The following LINGO2 variants were observed in gnomAD, a reference collection of about 807,000 sequenced individuals.
The protein encoded by LINGO2 is leucine-rich repeat and immunoglobulin-like domain-containing nogo receptor-interacting protein 2.
LINGO2 carries 14 observed loss-of-function variants against 30.6 expected under a neutral mutation model. The ratio of observed to expected loss-of-function variants is 0.46; its 90% confidence interval spans 0.30 to 0.72. LINGO2 has a LOEUF of 0.72. Ranked by LOEUF, LINGO2 falls within the 30% of genes least tolerant of loss-of-function variation. LINGO2 has a pLI of 0.07. For missense variants in LINGO2, 729 were observed against 751.7 expected, an observed-to-expected ratio of 0.97 and a Z score of 0.35; for synonymous variants, 317 against 288.5, an observed-to-expected ratio of 1.10 and a Z score of -1.00.
intron 1 of LINGO2, among the ~76,000 whole-genome samples, chr9:28,630,034 T>C (rs1054368222): frequency 2.0e-5 from 3 of 150,748 alleles, no homozygotes; most frequent in African/African-American, 7.3e-5. Context: ...TTGGTTTTTG[T>C]TCTTGGGATA....
In LINGO2 at chr9:27,949,284, AACACGGTGGC is replaced by A; in HGVS notation, c.1378_1387del (p.Ala460TrpfsTer36). ...GCGGATTTCCAAGGTGCCATCACCCAACACGGTGGCTCTTCCATTGGACTTGGTGGTGATG... is the reference window on the plus strand; with the variant it reads ...GCGGATTTCCAAGGTGCCATCACCCATCTTCCATTGGACTTGGTGGTGATG... On this transcript the variant is annotated frameshift_variant, in exon 6 of 6. Coordinates refer to ENST00000379992, the Ensembl canonical transcript of LINGO2. LOFTEE classifies it high-confidence loss of function. 1 of 1,614,088 alleles carries A rather than the reference AACACGGTGGC, an allele frequency of 6.2e-7. No individual in the cohort carries two copies. The highest frequency in any genetic ancestry group is 8.5e-7 in the Non-Finnish European group (1 of 1,180,006).
At chr9:29,020,055 A>C in the LINGO2 span, among the ~76,000 whole-genome samples, 16,711 of 152,242 alleles carry the variant, frequency 0.11, 1,190 homozygotes, top group Non-Finnish European at 0.14. Context: ...TTAGCAGCCA[A>C]ATGTTTTGCT....
downstream of LINGO2, among the ~76,000 whole-genome samples, chr9:27,947,483 T>G (rs67275924): frequency 6.6e-6 from 1 of 152,132 alleles, no homozygotes; most frequent in South Asian, 2.1e-4. Context: ...ATCCACCTTG[T>G]TTTTTCTCAG....
intron 4 of LINGO2, among the ~76,000 whole-genome samples, chr9:28,215,443 T>C (rs1389489273): frequency 6.6e-6 from 1 of 151,766 alleles, no homozygotes; most frequent in Non-Finnish European, 1.5e-5. Context: ...CAGTGATAAA[T>C]TGAAATCTAT....
At chr9:28,271,311 T>C (rs934823418) in intron 4 of LINGO2, among the ~76,000 whole-genome samples, 4 of 152,142 alleles carry the variant, frequency 2.6e-5, no homozygotes, top group Admixed American at 6.6e-5. Context: ...CACTAAGACA[T>C]TAGCTTTAAA....
intron 2 of LINGO2, among the ~76,000 whole-genome samples, chr9:28,436,244 G>C (rs972658678): frequency 6.6e-6 from 1 of 151,926 alleles, no homozygotes; most frequent in Non-Finnish European, 1.5e-5. Context: ...ATAATTTTGA[G>C]ATCCTAAGAA....
intron 4 of LINGO2, among the ~76,000 whole-genome samples, chr9:28,228,203 A>T (rs925878854): frequency 6.6e-6 from 1 of 152,112 alleles, no homozygotes; most frequent in Admixed American, 6.6e-5. Flanking sequence ...CTATCTTTGC[A>T]CAATATTTTG....
chr9:28,793,997 A>G, the LINGO2 span, among the ~76,000 whole-genome samples: 198 of 152,274 alleles, frequency 1.3e-3, no homozygotes, highest in African/African-American at 4.6e-3. Flanking sequence ...AAACCTCACC[A>G]TTGCTCTTCA....
chr9:28,071,818 T>C (rs1160379617), intron 4 of LINGO2, among the ~76,000 whole-genome samples: 2 of 152,088 alleles, frequency 1.3e-5, no homozygotes, highest in African/African-American at 2.4e-5. Context: ...AGATATAAAA[T>C]ATTGATATAA....
At chr9:28,701,137 C>T in the LINGO2 span, among the ~76,000 whole-genome samples, 1,002 of 151,680 alleles carry the variant, frequency 6.6e-3, 25 homozygotes, top group Admixed American at 0.036. Context: ...ATGTCTTGCC[C>T]GGAGCAGACA....
At chr9:28,569,891 T>G (rs1309571081) in intron 1 of LINGO2, among the ~76,000 whole-genome samples, 2 of 151,914 alleles carry the variant, frequency 1.3e-5, no homozygotes, top group Non-Finnish European at 2.9e-5. Context: ...ATAATCAACA[T>G]TGTATACCTT....
At chr9:29,039,985 T>C in the LINGO2 span, among the ~76,000 whole-genome samples, 1 of 152,302 alleles carries the variant, frequency 6.6e-6, no homozygotes, top group East Asian at 1.9e-4. Flanking sequence ...AGAAAAAATC[T>C]AGAGTTTCAT....
chr9:28,125,807 A>C (rs1422715158), intron 4 of LINGO2, among the ~76,000 whole-genome samples: 1 of 152,228 alleles, frequency 6.6e-6, no homozygotes, highest in Non-Finnish European at 1.5e-5. Context: ...AAGGCTGATC[A>C]ATCACTAAGA....
chr9:27,992,076 CAGGTGTTAATGACAA>C (rs1284654648), intron 5 of LINGO2, among the ~76,000 whole-genome samples: 2 of 152,150 alleles, frequency 1.3e-5, no homozygotes, highest in East Asian at 1.9e-4. Flanking sequence ...CTGCTTCTGT[CAGGTGTTAATGACAA>C]AGGTGTTAAT....
At chr9:28,433,945 C>CTATATATATATATATATA (rs1305896597) in intron 2 of LINGO2, among the ~76,000 whole-genome samples, 62 of 57,254 alleles carry the variant, frequency 1.1e-3, no homozygotes, top group African/African-American at 2.6e-3. Flanking sequence ...CTCTCTCTCT[C>CTATATATATATATATATA]TCTCTATATA....
At chr9:28,941,635 T>C in the LINGO2 span, among the ~76,000 whole-genome samples, 1 of 152,206 alleles carries the variant, frequency 6.6e-6, no homozygotes, top group Non-Finnish European at 1.5e-5. Context: ...AATGCATATG[T>C]TTTCAGAGCT....
the LINGO2 span, among the ~76,000 whole-genome samples, chr9:28,732,173 T>G: frequency 3.3e-5 from 5 of 151,652 alleles, no homozygotes; most frequent in Non-Finnish European, 5.9e-5. Context: ...TGAAAAAAAG[T>G]CTCCCAGAAA....
At chr9:29,124,206 A>G in the LINGO2 span, among the ~76,000 whole-genome samples, 1 of 152,354 alleles carries the variant, frequency 6.6e-6, no homozygotes, top group East Asian at 1.9e-4. Flanking sequence ...CTGACTAGCC[A>G]TATGCAGAAA....
At chr9:28,890,024 C>T in the LINGO2 span, among the ~76,000 whole-genome samples, 2 of 152,010 alleles carry the variant, frequency 1.3e-5, no homozygotes, top group Non-Finnish European at 2.9e-5. Context: ...ATAAAGGTTC[C>T]CAGCTGGTAA....
Sources: gnomAD v4.1 joint callset for allele counts (sites outside exome capture counted in the v4.1 genomes callset) on GRCh38, gnomAD v4.1.1 for gene constraint, MANE v1.5 for transcripts, NCBI Gene and HGNC (gene_info 2026-07-23, HGNC 2026-07-21) for gene names.